The following PTP4A2 variants were observed in gnomAD, a reference collection of about 807,000 sequenced individuals.
PTP4A2 encodes protein tyrosine phosphatase 4A2, also known as protein tyrosine phosphatase type IVA 2.
Under a neutral mutation model 22.9 loss-of-function variants are expected in PTP4A2, and 2 were observed. The observed-to-expected ratio is 0.09, with a 90% CI of 0.04 to 0.27. The LOEUF is 0.27. Ranked by LOEUF, PTP4A2 falls within the 10% of genes least tolerant of loss-of-function variation. PTP4A2 has a pLI of 1.00. For synonymous variants in PTP4A2, 68 were observed against 69.1 expected (o/e 0.98, Z 0.08); for missense variants, 103 against 205.1 (o/e 0.50, Z 3.04).
In PTP4A2 at chr1:31,930,692, T is replaced by C. The variant is rs190845422; in HGVS notation, c.-594+7295A>G. Among the ~76,000 whole-genome samples, 20 of 152,280 alleles carry C rather than the reference T, an allele frequency of 1.3e-4. No individual in the cohort carries two copies. In the East Asian group the frequency reaches 3.5e-3, roughly 26 times the overall value. On this transcript the variant is annotated intron_variant, in intron 1 of 5. Transcript: ENST00000647444. ...CACAGACATATGTTTGTGTACTGAGTACAATACAAGATAAACAGTCAAGAA... is the reference window on the plus strand; with the variant it reads ...CACAGACATATGTTTGTGTACTGAGCACAATACAAGATAAACAGTCAAGAA...
At chr1:31,909,059 C>G in intron 5 of PTP4A2, 99 bp from the exon 6 acceptor site, 1 of 848,692 alleles carries the variant, frequency 1.2e-6, no homozygotes, top group South Asian at 1.5e-5. Flanking sequence ...TAATTCCACA[C>G]AGCTGAAAAC....
intron 5 of PTP4A2, among the ~76,000 whole-genome samples, 157 bp downstream of exon 5, chr1:31,909,881 C>T (rs572605655): frequency 6.0e-4 from 92 of 152,276 alleles, no homozygotes; most frequent in Non-Finnish European, 1.0e-3. Context: ...TGTACTGAGT[C>T]TCTATCACTT....
chr1:31,921,001 ATG>A (rs1277764451), intron 1 of PTP4A2, among the ~76,000 whole-genome samples: 3 of 152,218 alleles, frequency 2.0e-5, no homozygotes, highest in Non-Finnish European at 2.9e-5. Flanking sequence ...TCCAAAGTAT[ATG>A]TGTTGGCCCT....
chr1:31,930,165 C>T (rs928166862), intron 1 of PTP4A2, among the ~76,000 whole-genome samples: 4 of 152,032 alleles, frequency 2.6e-5, no homozygotes, highest in Admixed American at 1.3e-4. Context: ...GGTGAAACCC[C>T]GTCTCTACTA....
chr1:31,937,268 G>A (rs999233472), intron 1 of PTP4A2, among the ~76,000 whole-genome samples: 3 of 151,958 alleles, frequency 2.0e-5, no homozygotes. Context: ...CCTTTCTGGG[G>A]GAAAAAAATT....
chr1:31,911,906 A>C, intron 3 of PTP4A2, 80 bp from the exon 4 acceptor site: 1 of 1,109,212 alleles, frequency 9.0e-7, no homozygotes, highest in Non-Finnish European at 1.3e-6. Context: ...TGCACACAGT[A>C]CACACGGCAG....
chr1:31,925,867 C>T (rs1052560403), intron 1 of PTP4A2, among the ~76,000 whole-genome samples: 10 of 151,862 alleles, frequency 6.6e-5, no homozygotes, highest in African/African-American at 1.7e-4. Context: ...TATCAATTGG[C>T]GGGCACAGTG....
intron 2 of PTP4A2, 26 bp downstream of exon 2, chr1:31,918,944 A>T (rs765281685): frequency 7.6e-6 from 10 of 1,309,464 alleles, no homozygotes; most frequent in East Asian, 2.3e-5. Flanking sequence ...AATCAATCCA[A>T]AAAGTAGACC....
rs1439088030 is a variant in PTP4A2, at chr1:31,908,462, T to C, written c.*390A>G. ...CACAGGGAGATCTATGTGCCAAGCA[T>C]AATGGAAGAGTGTGCTCCCCAAACA... On this transcript the variant is annotated 3_prime_UTR_variant, in exon 6 of 6. Transcript: ENST00000647444. The C allele has an allele frequency of 6.5e-6, 1 of 152,982 alleles. No homozygotes were observed. The highest frequency in any genetic ancestry group is 2.4e-5 in the African/African-American group (1 of 41,094). The allele number at this position is 152,982 out of a possible 1,614,324, so 9.5% of individuals were successfully genotyped here.
intron 2 of PTP4A2, among the ~76,000 whole-genome samples, chr1:31,917,761 GT>G (rs1276765500): frequency 6.6e-6 from 1 of 151,614 alleles, no homozygotes; most frequent in Non-Finnish European, 1.5e-5. Context: ...GGATCACGAG[GT>G]CAAGAGATCA....
intron 1 of PTP4A2, among the ~76,000 whole-genome samples, chr1:31,926,849 A>C (rs1652488828): frequency 6.6e-6 from 1 of 152,180 alleles, no homozygotes; most frequent in South Asian, 2.1e-4. Context: ...TTCCAATTTT[A>C]AATAAGGCTA....
chr1:31,917,207 C>T (rs1651893448), intron 2 of PTP4A2, among the ~76,000 whole-genome samples: 1 of 152,160 alleles, frequency 6.6e-6, no homozygotes, highest in African/African-American at 2.4e-5. Flanking sequence ...GGTGACTGAA[C>T]AATCTGAGGG....
intron 3 of PTP4A2, chr1:31,913,905 T>C (rs1312221720): frequency 8.8e-6 from 4 of 453,776 alleles, no homozygotes; most frequent in South Asian, 6.3e-5. Flanking sequence ...CAAAATAAAC[T>C]TGTATGCAGC....
Position 31,919,361 on chromosome 1 carries a change from T to TA in PTP4A2, c.-297_-296insT, listed in dbSNP as rs1652023918. 5.2e-6 allele frequency: 1 copy of TA among 190,632 alleles called. No individual in the cohort carries two copies. Among genetic ancestry groups the TA allele is most frequent in the Non-Finnish European group, 1.1e-5 (1 of 91,772 alleles). 11.8% of individuals were successfully genotyped at this position (190,632 alleles called of 1,614,324 possible). On this transcript the variant is annotated 5_prime_UTR_variant, in exon 2 of 6. Transcript: ENST00000647444. The stretch of plus-strand genomic sequence containing the variant: ...AACTACATACAAAACTTAAGCAGCC[T>TA]TTACTACATTTAGGCACTAGTGAGA...
intron 1 of PTP4A2, among the ~76,000 whole-genome samples, chr1:31,928,696 C>CAAAAA (rs1162186046): frequency 5.2e-5 from 3 of 57,314 alleles, no homozygotes; most frequent in Admixed American, 1.8e-4. Flanking sequence ...AACTCTGTCT[C>CAAAAA]AAAAAAAAAA....
At chr1:31,913,084 A>C (rs1203657930) in intron 3 of PTP4A2, 1 of 430,986 alleles carries the variant, frequency 2.3e-6, no homozygotes, top group Non-Finnish European at 4.6e-6. Flanking sequence ...TCTATTTTTA[A>C]AAAAATCATT....
rs1204595576 is a variant in PTP4A2, at chr1:31,908,140, TTATATATATATATATATATATATA to T, written c.*688_*711del. 1 of 424 alleles carries T rather than the reference TTATATATATATATATATATATATA, an allele frequency of 2.4e-3. No homozygotes were observed. The highest frequency in any genetic ancestry group is 4.5e-3 in the Non-Finnish European group (1 of 222). 0.0% of individuals were successfully genotyped at this position (424 alleles called of 1,614,324 possible). ...TATATATATATATATATATATTATATTATATATATATATATATATATATATATATATATATATATATATATATAT... is the reference window on the plus strand; with the variant it reads ...TATATATATATATATATATATTATATTATATATATATATATATATATATAT... On this transcript the variant is annotated 3_prime_UTR_variant, in exon 6 of 6. Coordinates refer to ENST00000647444, the MANE Select transcript of PTP4A2 (RefSeq NM_080391.4).
intron 3 of PTP4A2, chr1:31,912,946 G>C (rs180774853): frequency 1.9e-5 from 8 of 430,290 alleles, no homozygotes; most frequent in East Asian, 1.4e-4. Flanking sequence ...AATGTCACTA[G>C]AGAGTTTAAC....
chr1:31,934,835 G>A (rs959999319), intron 1 of PTP4A2, among the ~76,000 whole-genome samples: 2 of 152,210 alleles, frequency 1.3e-5, no homozygotes, highest in East Asian at 1.9e-4. Context: ...AATTTGGTTC[G>A]TTCAAATTAA....
Sources: allele counts gnomAD v4.1 joint callset (sites outside exome capture counted in the v4.1 genomes callset), GRCh38; gene constraint gnomAD v4.1.1; transcripts MANE v1.5; gene names NCBI Gene and HGNC (gene_info 2026-07-23, HGNC 2026-07-21).